Variants in WIPF1 observed in about 807,000 individuals in gnomAD.
The protein encoded by WIPF1 is WAS/WASL-interacting protein family member 1.
Under a neutral mutation model 35.4 loss-of-function variants are expected in WIPF1, and 13 were observed. The ratio of observed to expected loss-of-function variants is 0.37; its 90% CI spans 0.24 to 0.58. The LOEUF (loss-of-function observed/expected upper bound fraction) is 0.58, where lower values mean the gene tolerates loss of function less well. Among genes scored for constraint, WIPF1 ranks in the 20% least tolerant of loss-of-function variants. WIPF1 has a pLI of 0.74. For missense variants in WIPF1, 591 were observed against 667.0 expected, an observed-to-expected ratio of 0.89 and a Z score of 1.25; for synonymous variants, 267 against 266.3, an observed-to-expected ratio of 1.00 and a Z score of -0.02.
chr2:174,611,329 G>A (rs1686337749), intron 1 of WIPF1, among the ~76,000 whole-genome samples: 1 of 152,098 alleles, frequency 6.6e-6, no homozygotes, highest in Admixed American at 6.5e-5. Context: ...AAGTCCTTTG[G>A]GGGTTAGTCG....
At chr2:174,669,919 T>C (rs966919632) in intron 1 of WIPF1, among the ~76,000 whole-genome samples, 1 of 152,088 alleles carries the variant, frequency 6.6e-6, no homozygotes, top group Non-Finnish European at 1.5e-5. Flanking sequence ...AGAAATGAAC[T>C]GTTATGCTGG....
chr2:174,608,492 T>C, intron 1 of WIPF1, among the ~76,000 whole-genome samples: 1 of 152,240 alleles, frequency 6.6e-6, no homozygotes, highest in East Asian at 1.9e-4. Flanking sequence ...GGAAAGACCA[T>C]TCATGTTTTT....
intron 1 of WIPF1, among the ~76,000 whole-genome samples, chr2:174,648,032 A>C (rs1458182294): frequency 6.6e-6 from 1 of 152,244 alleles, no homozygotes; most frequent in East Asian, 1.9e-4. Context: ...GAGCAACATC[A>C]AATCCAACCG....
chr2:174,562,402 C>G lies in WIPF1; in HGVS notation c.*145G>C. On this transcript the variant is annotated 3_prime_UTR_variant, in exon 8 of 8. Transcript: ENST00000679041. ...GGTGCATTTCTTACCGATTCCCACC[C>G]ACACACGCATATTCCCACTCCCCCT... 2 of 1,512,862 alleles carry G rather than the reference C, an allele frequency of 1.3e-6. No homozygotes were observed. Among genetic ancestry groups the G allele is most frequent in the Non-Finnish European group, 1.8e-6 (2 of 1,128,124 alleles). 93.7% of individuals were successfully genotyped at this position (1,512,862 alleles called of 1,614,324 possible).
chr2:174,599,792 A>T (rs201221378), upstream of WIPF1, among the ~76,000 whole-genome samples: 130 of 148,524 alleles, frequency 8.8e-4, no homozygotes, highest in Admixed American at 1.9e-3. Context: ...ACACACACAC[A>T]CTCTCTCTCT....
rs1481250623 is a variant in WIPF1, at chr2:174,567,153, G to A, written c.1373C>T (p.Pro458Leu). 1.2e-6 allele frequency: 2 copies of A among 1,614,068 alleles called. No homozygotes were observed. The highest frequency in any genetic ancestry group is 1.7e-5 in the Admixed American group (1 of 60,014). Residue 458 changes from proline (P) to leucine (L), a missense_variant, in exon 7 of 8, where the codon CCG becomes CTG. By Grantham distance (98) the Pro-to-Leu change is moderately conservative. This residue lies in a region of WIPF1 where 117 missense variants were observed against 149.6 expected (regional missense o/e 0.78). Coordinates refer to ENST00000679041, the MANE Select transcript of WIPF1 (RefSeq NM_001375834.1). Reference protein sequence around the residue: ...DEWESRFYFHPISDLPPPEPY... With the variant: ...DEWESRFYFHLISDLPPPEPY... ...CTCTGGAGGTGGCAAATCGGAAATCGGATGGAAGTAGAATCTGCTTTCCCA... is the reference window on the plus strand; with the variant it reads ...CTCTGGAGGTGGCAAATCGGAAATCAGATGGAAGTAGAATCTGCTTTCCCA...
intron 1 of WIPF1, among the ~76,000 whole-genome samples, chr2:174,672,068 C>T (rs1375750580): frequency 2.6e-5 from 4 of 152,094 alleles, no homozygotes; most frequent in African/African-American, 9.7e-5. Context: ...GATGTCTCCC[C>T]CAGATACCCA....
intron 1 of WIPF1, among the ~76,000 whole-genome samples, chr2:174,660,287 G>A (rs1004811559): frequency 2.6e-5 from 4 of 152,128 alleles, no homozygotes; most frequent in Non-Finnish European, 5.9e-5. Context: ...TCCAAACCCC[G>A]GTCCTGCCAT....
At chr2:174,617,506 TC>T (rs1360789886) in intron 1 of WIPF1, among the ~76,000 whole-genome samples, 3 of 152,196 alleles carry the variant, frequency 2.0e-5, no homozygotes, top group Non-Finnish European at 4.4e-5. Context: ...GCTATAGGCA[TC>T]GGAGCAAATG....
At chr2:174,615,531 A>C (rs1370342569) in intron 1 of WIPF1, among the ~76,000 whole-genome samples, 1 of 152,230 alleles carries the variant, frequency 6.6e-6, no homozygotes, top group African/African-American at 2.4e-5. Flanking sequence ...ATGGAAAAGG[A>C]AATATTTATA....
intron 3 of WIPF1, among the ~76,000 whole-genome samples, chr2:174,578,219 C>G (rs369599480): frequency 5.3e-5 from 8 of 152,232 alleles, no homozygotes; most frequent in African/African-American, 1.9e-4. Context: ...GCCACATATC[C>G]CCTGGAATGC....
intron 2 of WIPF1, among the ~76,000 whole-genome samples, chr2:174,584,962 T>C (rs1049870687): frequency 1.3e-5 from 2 of 151,186 alleles, no homozygotes; most frequent in African/African-American, 4.9e-5. Flanking sequence ...GAAATAAACA[T>C]CTAAATGCCT....
intron 1 of WIPF1, among the ~76,000 whole-genome samples, chr2:174,618,735 A>G (rs1686588634): frequency 6.6e-6 from 1 of 152,168 alleles, no homozygotes; most frequent in South Asian, 2.1e-4. Context: ...TGGCAGAGAC[A>G]TAATTTAAGC....
At chr2:174,671,944 C>T (rs915994617) in intron 1 of WIPF1, among the ~76,000 whole-genome samples, 1 of 152,144 alleles carries the variant, frequency 6.6e-6, no homozygotes, top group Non-Finnish European at 1.5e-5. Context: ...CCTTGTGAAG[C>T]ATGTGATCTC....
At chr2:174,668,546 T>C (rs1378803325) in intron 1 of WIPF1, among the ~76,000 whole-genome samples, 1 of 152,190 alleles carries the variant, frequency 6.6e-6, no homozygotes, top group Non-Finnish European at 1.5e-5. Flanking sequence ...TCTAGGAAGA[T>C]TTTCTTCCTC....
At chr2:174,617,448 A>C (rs922401854) in intron 1 of WIPF1, among the ~76,000 whole-genome samples, 4 of 152,240 alleles carry the variant, frequency 2.6e-5, no homozygotes, top group African/African-American at 4.8e-5. Flanking sequence ...GCCTGTGAGC[A>C]CAGACCCCTC....
At chr2:174,604,945 A>C (rs1008633379) in intron 1 of WIPF1, among the ~76,000 whole-genome samples, 1 of 152,226 alleles carries the variant, frequency 6.6e-6, no homozygotes, top group Non-Finnish European at 1.5e-5. Context: ...ACTGGTTCAG[A>C]GACTACTTTT....
intron 1 of WIPF1, among the ~76,000 whole-genome samples, chr2:174,629,420 G>A (rs1228701869): frequency 6.6e-6 from 1 of 152,200 alleles, no homozygotes; most frequent in Non-Finnish European, 1.5e-5. Context: ...GGAATAAAAA[G>A]CTCAGAGACA....
In WIPF1 at chr2:174,622,573, G is replaced by A. The variant is rs1374465414; in HGVS notation, c.-38-36962C>T. Among the ~76,000 whole-genome samples, 1 of 152,158 alleles carries A rather than the reference G, an allele frequency of 6.6e-6. No homozygotes were observed. Among genetic ancestry groups the A allele is most frequent in the African/African-American group, 2.4e-5 (1 of 41,436 alleles). On this transcript the variant is annotated intron_variant, in intron 1 of 8. Transcript: ENST00000272746. This position sits in a 1 kb window ranked among gnomAD's most constrained non-coding sequence, Gnocchi z 5.1. ...ATAGGATCCCCTCTCTATGCCGCCA[G>A]TGCTCCGTGGGGTGCGCCTATCCTA...
Sources: gnomAD v4.1 joint callset for allele counts (sites outside exome capture counted in the v4.1 genomes callset) on GRCh38, gnomAD v4.1.1 for gene constraint, gnomAD v4.1.1 regional missense constraint, Gnocchi (gnomAD v3.1) non-coding constraint, MANE v1.5 for transcripts, NCBI Gene and HGNC (gene_info 2026-07-23, HGNC 2026-07-21) for gene names.